CENPW: variants seen among roughly 807,000 people sequenced by gnomAD.
CENPW encodes the protein centromere protein W.
In CENPW, 3 loss-of-function variants were observed where a neutral mutation model predicts 11.1. The observed-to-expected ratio is 0.27, with a 90% CI of 0.12 to 0.70. CENPW has a LOEUF of 0.70. Among genes scored for constraint, CENPW ranks in the 30% least tolerant of loss-of-function variants. CENPW has a pLI of 0.77. For synonymous variants in CENPW, 38 were observed against 42.0 expected (o/e 0.91, Z 0.37); for missense variants, 100 against 105.6 (o/e 0.95, Z 0.23).
At chr6:126,461,551 A>G in the CENPW span, among the ~76,000 whole-genome samples, 5 of 151,944 alleles carry the variant, frequency 3.3e-5, no homozygotes, top group African/African-American at 1.2e-4. Context: ...AGTTGTGACC[A>G]TGTGCAATTT....
At chr6:126,469,753 A>G in the CENPW span, among the ~76,000 whole-genome samples, 1 of 152,194 alleles carries the variant, frequency 6.6e-6, no homozygotes, top group Non-Finnish European at 1.5e-5. Flanking sequence ...AGCAAAGGTC[A>G]TTCTTGCTAC....
the CENPW span, among the ~76,000 whole-genome samples, chr6:126,446,930 CT>C: frequency 1.1e-4 from 16 of 151,126 alleles, no homozygotes; most frequent in East Asian, 1.6e-3. Context: ...CTATTTTGGG[CT>C]AGTGTCAGAT....
chr6:126,356,462 G>C, the CENPW span, among the ~76,000 whole-genome samples: 6 of 152,226 alleles, frequency 3.9e-5, no homozygotes, highest in East Asian at 7.7e-4. Context: ...ATAAATTTTT[G>C]AGACATTTAA....
chr6:126,422,118 A>G, the CENPW span, among the ~76,000 whole-genome samples: 2 of 152,136 alleles, frequency 1.3e-5, no homozygotes, highest in Non-Finnish European at 2.9e-5. Flanking sequence ...ATGTATGTGC[A>G]TGTGTGTACG....
the CENPW span, among the ~76,000 whole-genome samples, chr6:126,440,726 C>G: frequency 6.6e-5 from 10 of 151,406 alleles, no homozygotes; most frequent in African/African-American, 2.4e-4. Context: ...AAAAGTCATC[C>G]TTCTGCTATA....
chr6:126,423,087 T>G, the CENPW span, among the ~76,000 whole-genome samples: 28 of 152,150 alleles, frequency 1.8e-4, no homozygotes, highest in African/African-American at 6.8e-4. Context: ...AAATCTTTCT[T>G]TTGCATTTTA....
At chr6:126,349,274 C>T (rs1780463943), downstream of CENPW, among the ~76,000 whole-genome samples, 1 of 152,102 alleles carries the variant, frequency 6.6e-6, no homozygotes, top group African/African-American at 2.4e-5. Context: ...TTACATCTTA[C>T]ATAACTATAG....
chr6:126,356,963 ATT>A, the CENPW span, among the ~76,000 whole-genome samples: 1 of 152,060 alleles, frequency 6.6e-6, no homozygotes, highest in African/African-American at 2.4e-5. Context: ...CCACTTGTCA[ATT>A]TTTGTTGTTG....
At chr6:126,475,268 G>C in the CENPW span, among the ~76,000 whole-genome samples, 1 of 151,946 alleles carries the variant, frequency 6.6e-6, no homozygotes, top group Non-Finnish European at 1.5e-5. Context: ...CCAAATCTTA[G>C]CTATTGTAAA....
the CENPW span, among the ~76,000 whole-genome samples, chr6:126,375,757 CTTTT>C: frequency 6.6e-6 from 1 of 151,974 alleles, no homozygotes; most frequent in Non-Finnish European, 1.5e-5. Context: ...TTCTGCTTTT[CTTTT>C]TTCTCTCACT....
chr6:126,371,822 C>G, the CENPW span, among the ~76,000 whole-genome samples: 1 of 152,080 alleles, frequency 6.6e-6, no homozygotes, highest in Non-Finnish European at 1.5e-5. Flanking sequence ...TTGTATATTT[C>G]CAAGAATTTC....
At chr6:126,468,636 CGGATGCAGGGTGCAT>C in the CENPW span, among the ~76,000 whole-genome samples, 1 of 151,702 alleles carries the variant, frequency 6.6e-6, no homozygotes, top group Non-Finnish European at 1.5e-5. Flanking sequence ...TAGGGGAAAT[CGGATGCAGGGTGCAT>C]GGAAACTCTC....
chr6:126,376,486 C>G, the CENPW span, among the ~76,000 whole-genome samples: 1 of 152,068 alleles, frequency 6.6e-6, no homozygotes, highest in Non-Finnish European at 1.5e-5. Context: ...GTAGGCCTCT[C>G]TTGTCATTTC....
chr6:126,354,914 A>G, the CENPW span, among the ~76,000 whole-genome samples: 1 of 152,134 alleles, frequency 6.6e-6, no homozygotes, highest in African/African-American at 2.4e-5. Context: ...CCTGCATCTC[A>G]GGAAACCCCT....
At chr6:126,398,166 T>A in the CENPW span, among the ~76,000 whole-genome samples, 2 of 152,204 alleles carry the variant, frequency 1.3e-5, no homozygotes, top group Non-Finnish European at 2.9e-5. Context: ...AATTATGGTT[T>A]CCCTACTTGT....
the CENPW span, among the ~76,000 whole-genome samples, chr6:126,408,886 G>C: frequency 6.6e-6 from 1 of 151,876 alleles, no homozygotes; most frequent in East Asian, 1.9e-4. Flanking sequence ...AGTAAAGACT[G>C]TCAATGTCGT....
At chr6:126,474,866 C>T in the CENPW span, among the ~76,000 whole-genome samples, 1 of 152,022 alleles carries the variant, frequency 6.6e-6, no homozygotes, top group African/African-American at 2.4e-5. Context: ...TGAAATAAAG[C>T]CACTGCATCA....
At chr6:126,474,470 G>C in the CENPW span, among the ~76,000 whole-genome samples, 1 of 152,094 alleles carries the variant, frequency 6.6e-6, no homozygotes, top group Non-Finnish European at 1.5e-5. Flanking sequence ...GTGGAGGTTT[G>C]CTTATATGTG....
chr6:126,398,036 T>TTG, the CENPW span, among the ~76,000 whole-genome samples: 39 of 152,256 alleles, frequency 2.6e-4, no homozygotes, highest in African/African-American at 9.1e-4. Context: ...CTCCTACACC[T>TTG]TGTGTGTGTG....
Sources: gnomAD v4.1 joint callset for allele counts (sites outside exome capture counted in the v4.1 genomes callset) on GRCh38, gnomAD v4.1.1 for gene constraint, MANE v1.5 for transcripts, NCBI Gene and HGNC (gene_info 2026-07-23, HGNC 2026-07-21) for gene names.